The following ZNF804A variants were observed in gnomAD, a reference collection of about 807,000 sequenced individuals.
The protein encoded by ZNF804A is zinc finger protein 804A.
Under a neutral mutation model 16.5 loss-of-function variants are expected in ZNF804A, and 2 were observed. That is an observed-to-expected ratio of 0.12 (90% CI 0.05 to 0.38). The LOEUF is 0.38. Ranked by LOEUF, ZNF804A falls within the 10% of genes least tolerant of loss-of-function variation. The pLI, the probability that ZNF804A is intolerant of heterozygous loss-of-function variation, is 0.99. For synonymous variants in ZNF804A, 534 were observed against 489.6 expected (o/e 1.09, Z -1.20); for missense variants, 1,473 against 1,390.7 (o/e 1.06, Z -0.94).
chr2:184,713,719 C>T (rs190103142), intron 1 of ZNF804A, among the ~76,000 whole-genome samples: 38 of 151,996 alleles, frequency 2.5e-4, no homozygotes, highest in African/African-American at 4.8e-4. Context: ...ATATTAACAA[C>T]GCATTTGTTT....
At chr2:184,725,822 T>A (rs1693400128) in intron 1 of ZNF804A, among the ~76,000 whole-genome samples, 1 of 151,632 alleles carries the variant, frequency 6.6e-6, no homozygotes. Context: ...TCACTGCTAA[T>A]CCCTGGTAAC....
intron 2 of ZNF804A, among the ~76,000 whole-genome samples, chr2:184,866,998 T>C (rs536775545): frequency 6.6e-6 from 1 of 151,824 alleles, no homozygotes; most frequent in East Asian, 1.9e-4. Context: ...AAAAAAAGAT[T>C]GAGTGTACTA....
intron 1 of ZNF804A, among the ~76,000 whole-genome samples, chr2:184,844,518 A>G (rs1431317270): frequency 6.6e-6 from 1 of 151,608 alleles, no homozygotes; most frequent in Non-Finnish European, 1.5e-5. Context: ...TTCTTTCAAT[A>G]TTTCATTTTA....
chr2:184,689,607 C>T (rs1692697079), intron 1 of ZNF804A, among the ~76,000 whole-genome samples: 1 of 151,974 alleles, frequency 6.6e-6, no homozygotes, highest in South Asian at 2.1e-4. Context: ...TTTAGGACTA[C>T]AAGATAATAG....
At chr2:184,843,177 A>C (rs142411993) in intron 1 of ZNF804A, among the ~76,000 whole-genome samples, 11 of 152,268 alleles carry the variant, frequency 7.2e-5, no homozygotes, top group African/African-American at 2.6e-4. Flanking sequence ...TCCATCCTTG[A>C]GTGTGAAAAA....
At chr2:184,620,638 C>G (rs548409240) in intron 1 of ZNF804A, among the ~76,000 whole-genome samples, 1 of 151,444 alleles carries the variant, frequency 6.6e-6, no homozygotes, top group Non-Finnish European at 1.5e-5. Context: ...TTTGCTTGAG[C>G]CTGTTGAAAG....
chr2:184,935,727 TA>T (rs1332451388), intron 3 of ZNF804A, 55 bp from the exon 4 acceptor site: 1 of 1,477,744 alleles, frequency 6.8e-7, no homozygotes, highest in African/African-American at 1.5e-5. Context: ...AATATTTGAC[TA>T]TTTTTTTTTC....
chr2:184,937,564 G>A lies in ZNF804A; in HGVS notation c.2168G>A (p.Cys723Tyr), dbSNP rs1371956650. ...KHNLTYSRTY[C>Y]CWKTKMSSCS... ...AATTTAACATATTCTAGAACTTACT[G>A]TTGTTGGAAAACCAAAATGTCAAGC... Residue 723 changes from cysteine to tyrosine, a missense_variant, in exon 4 of 4, where the codon TGT becomes TAT. Physicochemically the swap from Cys to Tyr is radical, Grantham distance 194. Coordinates refer to ENST00000302277, the MANE Select transcript of ZNF804A (RefSeq NM_194250.2). 7 of 1,612,030 alleles carry A rather than the reference G, an allele frequency of 4.3e-6. No individual in the cohort carries two copies. Among genetic ancestry groups the A allele is most frequent in the Non-Finnish European group, 5.9e-6 (7 of 1,179,490 alleles).
At chr2:184,774,028 T>G (rs1270335863) in intron 1 of ZNF804A, among the ~76,000 whole-genome samples, 2 of 151,874 alleles carry the variant, frequency 1.3e-5, no homozygotes, top group Non-Finnish European at 2.9e-5. Context: ...ATACTTAGTC[T>G]GCTGTCCTCC....
chr2:184,620,199 C>T (rs1449623524), intron 1 of ZNF804A, among the ~76,000 whole-genome samples: 1 of 151,706 alleles, frequency 6.6e-6, no homozygotes, highest in Non-Finnish European at 1.5e-5. Flanking sequence ...TTATAAATAT[C>T]TCTGATCTGT....
At chr2:184,895,345 T>C (rs1471321474) in intron 2 of ZNF804A, among the ~76,000 whole-genome samples, 3 of 152,176 alleles carry the variant, frequency 2.0e-5, no homozygotes, top group African/African-American at 7.2e-5. Context: ...AAACAATAAC[T>C]CAATAACTTA....
intron 2 of ZNF804A, among the ~76,000 whole-genome samples, chr2:184,890,320 C>A (rs894514191): frequency 6.6e-6 from 1 of 152,086 alleles, no homozygotes; most frequent in Non-Finnish European, 1.5e-5. Context: ...TTATTTTCAC[C>A]ACAGACATTG....
intron 1 of ZNF804A, among the ~76,000 whole-genome samples, chr2:184,791,971 G>T (rs999072566): frequency 2.0e-5 from 3 of 152,012 alleles, no homozygotes; most frequent in Non-Finnish European, 2.9e-5. Context: ...TGTATTTTAG[G>T]TTCCTAAATG....
intron 1 of ZNF804A, among the ~76,000 whole-genome samples, chr2:184,656,084 A>T (rs185092029): frequency 1.9e-4 from 29 of 152,260 alleles, no homozygotes; most frequent in Admixed American, 5.2e-4. Context: ...AATTATTTAG[A>T]TATCTGAATT....
chr2:184,738,904 A>G (rs994931619), intron 1 of ZNF804A, among the ~76,000 whole-genome samples: 1 of 152,252 alleles, frequency 6.6e-6, no homozygotes, highest in African/African-American at 2.4e-5. Context: ...GAAAATAAGT[A>G]TGAATTAAAA....
chr2:184,763,949 T>G (rs1003518458), intron 1 of ZNF804A, among the ~76,000 whole-genome samples: 1 of 152,024 alleles, frequency 6.6e-6, no homozygotes, highest in Non-Finnish European at 1.5e-5. Flanking sequence ...CCCAAAATGC[T>G]TTTTCCTTTA....
At chr2:184,623,302 AAAAATT>A (rs1157062183) in intron 1 of ZNF804A, among the ~76,000 whole-genome samples, 1 of 152,128 alleles carries the variant, frequency 6.6e-6, no homozygotes, top group Non-Finnish European at 1.5e-5. Context: ...ATGAAATTAA[AAAAATT>A]CATTTTAATG....
intron 2 of ZNF804A, among the ~76,000 whole-genome samples, chr2:184,928,612 G>A (rs868838698): frequency 8.5e-5 from 13 of 152,062 alleles, no homozygotes; most frequent in Non-Finnish European, 1.8e-4. Context: ...GCCGCGAGTT[G>A]AATAAATAAA....
At chr2:184,887,895 G>A (rs1684921500) in intron 2 of ZNF804A, among the ~76,000 whole-genome samples, 2 of 152,110 alleles carry the variant, frequency 1.3e-5, no homozygotes, top group South Asian at 4.1e-4. Flanking sequence ...ACCACATGAA[G>A]TCACTTATAA....
Sources: allele counts gnomAD v4.1 joint callset (sites outside exome capture counted in the v4.1 genomes callset), GRCh38; gene constraint gnomAD v4.1.1; transcripts MANE v1.5; gene names NCBI Gene and HGNC (gene_info 2026-07-23, HGNC 2026-07-21).